Variants in IQSEC2 observed in about 807,000 individuals in gnomAD.
IQSEC2 encodes the protein IQ motif and Sec7 domain ArfGEF 2, also known as IQ motif and SEC7 domain-containing protein 2.
IQSEC2 carries 6 observed loss-of-function variants against 74.6 expected under a neutral mutation model. The observed-to-expected ratio is 0.08, with a 90% confidence interval of 0.04 to 0.16. IQSEC2 has a LOEUF of 0.16. Among genes scored for constraint, IQSEC2 ranks in the 10% least tolerant of loss-of-function variants. The pLI, the probability that IQSEC2 is intolerant of heterozygous loss-of-function variation, is 1.00. For synonymous variants in IQSEC2, 494 were observed against 544.5 expected (o/e 0.91, Z 1.29); for missense variants, 734 against 1,306.2 (o/e 0.56, Z 6.75).
chrX:53,286,278 G>C (rs1329389794), intron 2 of IQSEC2, among the ~76,000 whole-genome samples: 1 of 112,089 alleles, frequency 8.9e-6, no homozygotes, highest in Non-Finnish European at 1.9e-5. Flanking sequence ...GCAAGGATAT[G>C]GAACTTGAAA....
intron 2 of IQSEC2, among the ~76,000 whole-genome samples, chrX:53,283,546 A>C (rs1028600170): frequency 1.2e-4 from 14 of 112,123 alleles, no homozygotes; most frequent in Non-Finnish European, 2.4e-4. Context: ...ACCCATGGGA[A>C]GCCTGTTTGT....
Position 53,243,570 on chromosome X carries a change from T to C in IQSEC2, c.2750-99A>G, listed in dbSNP as rs997907518. On this transcript the variant is annotated intron_variant, in intron 8 of 14. Transcript: ENST00000642864. ...CACACCCAGGCACGGGCCACGATAG[T>C]CAGGACTGAGGGTCAATGGGTACCC... The C allele has an allele frequency of 2.0e-5, 21 of 1,059,829 alleles. No individual in the cohort carries two copies. In the East Asian group the frequency reaches 3.1e-4, roughly 16 times the overall value. 87.3% of individuals were successfully genotyped at this position (1,059,829 alleles called of 1,213,427 possible). A position where few individuals can be genotyped will look rare whatever the true frequency, so the allele number is the denominator to read the frequency against.
rs782744933 is a variant in IQSEC2 at position 53,235,017 on chromosome X, C to T, written c.3669G>A (p.Pro1223=). 6.0e-5 allele frequency: 69 copies of T among 1,153,765 alleles called. 1 individual carries two copies. In the Admixed American group the frequency reaches 1.1e-3, roughly 19 times the overall value. Residue 1223 remains proline (P), a synonymous_variant, in exon 15 of 15, where the codon CCG becomes CCA. Coordinates refer to ENST00000642864, the MANE Select transcript of IQSEC2 (RefSeq NM_001111125.3). ...RGKGPFQMPP[P]PTGQASASSS... ...AGGAGGCAGAGGCCTGGCCTGTTGGCGGTGGTGGCATCTGGAAGGGCCCCT... is the reference window on the plus strand; with the variant it reads ...AGGAGGCAGAGGCCTGGCCTGTTGGTGGTGGTGGCATCTGGAAGGGCCCCT...
chrX:53,308,600 C>T (rs1256652176), intron 1 of IQSEC2, among the ~76,000 whole-genome samples: 2 of 111,059 alleles, frequency 1.8e-5, no homozygotes, highest in East Asian at 5.6e-4. Context: ...TTGCTAGATA[C>T]ACAAGTACAG....
At chrX:53,253,580 T>G (rs782254124) in intron 4 of IQSEC2, among the ~76,000 whole-genome samples, 4 of 112,371 alleles carry the variant, frequency 3.6e-5, no homozygotes, top group Non-Finnish European at 7.5e-5. Context: ...AAGGTCCAGC[T>G]CCAATGCTGT....
intron 11 of IQSEC2, 86 bp downstream of exon 11, chrX:53,239,109 C>T (rs946786489): frequency 2.5e-5 from 19 of 759,770 alleles, no homozygotes; most frequent in African/African-American, 1.5e-4. Flanking sequence ...TAAGGGACTC[C>T]GAAAACTGGA....
chrX:53,235,175 T>C lies in IQSEC2; in HGVS notation c.3511A>G (p.Ile1171Val). The stretch of plus-strand genomic sequence containing the variant: ...CTCTGGTGAGGGCGTGGACTGCTAA[T>C]AACAGACCCCTGGAAGCGGGGAGGG... ...SLDSTIEGSV[I>V]SSPRPHQRMP... The change falls in exon 15 of 15, where the codon ATT (isoleucine) becomes GTT (valine). Residue 1171 changes from isoleucine to valine, a missense_variant. Transcript: ENST00000642864. The C allele has an allele frequency of 8.6e-7, 1 of 1,163,412 alleles. No individual in the cohort carries two copies. Among genetic ancestry groups the C allele is most frequent in the Non-Finnish European group, 1.1e-6 (1 of 871,311 alleles).
At chrX:53,317,363 G>T (rs2075387886) in intron 1 of IQSEC2, among the ~76,000 whole-genome samples, 2 of 111,712 alleles carry the variant, frequency 1.8e-5, no homozygotes, top group Admixed American at 9.5e-5. Context: ...GTCCAGAGGG[G>T]ACGGTGCAGG....
Position 53,247,126 on chromosome X carries a change from G to A in IQSEC2, c.2592C>T (p.Tyr864=), listed in dbSNP as rs1556862204. The A allele has an allele frequency of 8.3e-7, 1 of 1,210,405 alleles. No homozygotes were observed. Among genetic ancestry groups the A allele is most frequent in the Admixed American group, 2.2e-5 (1 of 45,919 alleles). The change falls in exon 8 of 15, where the codon TAC becomes TAT. Residue 864 remains tyrosine, a synonymous_variant. Coordinates refer to ENST00000642864, the MANE Select transcript of IQSEC2 (RefSeq NM_001111125.3). ...GCACGAGGGCTGGGTTACAGACACA[G>A]TACCGCTGGCTGCAGGGCAGGAGGG... The part of the protein sequence containing the change: ...ERLIEAFSQR[Y]CVCNPALVRQ...
At chrX:53,243,533 C>G in intron 8 of IQSEC2, 62 bp from the exon 9 acceptor site, 1 of 1,108,713 alleles carries the variant, frequency 9.0e-7, no homozygotes, top group East Asian at 3.4e-5. Context: ...GGTAGGGGTG[C>G]TCCACCACCC....
rs1556860122 is a variant in IQSEC2, at chrX:53,238,131, G to C, written c.3277+14C>G. ...TTCAGGAGAGCAGGGAGGAGACATG[G>C]CTGGGCTACTCACACTCCACACGGT... is the stretch of plus-strand genomic sequence containing the variant. On this transcript the variant is annotated intron_variant, in intron 12 of 14. Transcript: ENST00000642864. 8.4e-7 allele frequency: 1 copy of C among 1,193,783 alleles called. No homozygotes were observed. The highest frequency in any genetic ancestry group is 2.3e-5 in the Admixed American group (1 of 43,943).
chrX:53,304,322 G>A (rs782708389), intron 1 of IQSEC2, among the ~76,000 whole-genome samples: 51 of 111,888 alleles, frequency 4.6e-4, no homozygotes, highest in Non-Finnish European at 8.8e-4. Flanking sequence ...CAGAAAGCTT[G>A]TTGGATACTG....
At chrX:53,266,203 C>T (rs2074653403) in intron 2 of IQSEC2, 1 of 197,965 alleles carries the variant, frequency 5.1e-6, no homozygotes, top group Non-Finnish European at 7.6e-6. Context: ...GTTGACAAAA[C>T]CACGAATCAA....
chrX:53,245,856 T>G, intron 8 of IQSEC2, among the ~76,000 whole-genome samples: 1 of 98,921 alleles, frequency 1.0e-5, no homozygotes, highest in East Asian at 3.0e-4. Context: ...ATCTCAATTG[T>G]TCTTTTTTTT....
intron 2 of IQSEC2, among the ~76,000 whole-genome samples, chrX:53,281,872 G>A (rs2074971242): frequency 1.8e-5 from 2 of 112,019 alleles, no homozygotes; most frequent in Admixed American, 1.9e-4. Context: ...GATGGAGAGA[G>A]GTGAAGTAAT....
intron 1 of IQSEC2, among the ~76,000 whole-genome samples, chrX:53,309,538 A>G (rs782483014): frequency 1.3e-4 from 15 of 111,730 alleles, no homozygotes; most frequent in African/African-American, 4.9e-4. Context: ...TGAGAACAGG[A>G]GGTAAGAGAG....
Position 53,242,048 on chromosome X carries a change from G to C in IQSEC2, c.2890-139C>G. ...TGACACAAGGGGTATCAGCAACTAA[G>C]ACCTAAACTTATCTGCTACCTTGCC... On this transcript the variant is annotated intron_variant, in intron 9 of 14. Transcript: ENST00000642864. The C allele has an allele frequency of 9.6e-6, 7 of 725,508 alleles. No homozygotes were observed. The South Asian group carries it at 1.6e-4, about 17-fold the overall frequency. The allele number at this position is 725,508 out of a possible 1,213,427, so 59.8% of individuals were successfully genotyped here.
chrX:53,256,583 G>C (rs2074473259), intron 2 of IQSEC2, among the ~76,000 whole-genome samples: 1 of 110,674 alleles, frequency 9.0e-6, no homozygotes, highest in East Asian at 2.9e-4. Context: ...CCAGCTGTGT[G>C]AGGCCCACCC....
chrX:53,238,229 T>C lies in IQSEC2; in HGVS notation c.3193A>G (p.Ser1065Gly), dbSNP rs367700660. The change falls in exon 12 of 15, where the codon AGC (serine) becomes GGC (glycine). Residue 1065 changes from serine (S) to glycine (G), a missense_variant. Around this residue, in one of 12 missense-constraint regions of IQSEC2, gnomAD observed 249 missense variants for 467.9 expected, o/e 0.53. Coordinates refer to ENST00000642864, the MANE Select transcript of IQSEC2 (RefSeq NM_001111125.3). Reference sequence around the variant, plus strand: ...GTAAAGCGCAGCCGGTCCTGGAGGCTGGGGGCATTGAAGATGATGAGGACT... The same window carrying C: ...GTAAAGCGCAGCCGGTCCTGGAGGCCGGGGGCATTGAAGATGATGAGGACT... ...RKVLIIFNAP[S>G]LQDRLRFTSD... The C allele has an allele frequency of 2.4e-5, 29 of 1,208,703 alleles. No homozygotes were observed. The highest frequency in any genetic ancestry group is 3.2e-5 in the Non-Finnish European group (29 of 894,810).
Sources: allele counts gnomAD v4.1 joint callset (sites outside exome capture counted in the v4.1 genomes callset), GRCh38; gene constraint gnomAD v4.1.1; regional missense constraint gnomAD v4.1.1; transcripts MANE v1.5; gene names NCBI Gene and HGNC (gene_info 2026-07-23, HGNC 2026-07-21).